Variants in IL1RAPL1 observed in about 807,000 individuals in gnomAD.
IL1RAPL1 encodes the protein interleukin-1 receptor accessory protein-like 1.
Under a neutral mutation model 48.4 loss-of-function variants are expected in IL1RAPL1, and 3 were observed. The ratio of observed to expected loss-of-function variants is 0.06; its 90% confidence interval spans 0.03 to 0.16. The LOEUF (loss-of-function observed/expected upper bound fraction) is 0.16, where lower values mean the gene tolerates loss of function less well. IL1RAPL1 is among the 10% of genes least tolerant of loss of function. The pLI, the probability that IL1RAPL1 is intolerant of heterozygous loss-of-function variation, is 1.00. For synonymous variants in IL1RAPL1, 185 were observed against 187.7 expected (o/e 0.99, Z 0.12); for missense variants, 349 against 530.6 (o/e 0.66, Z 3.36).
intron 1 of IL1RAPL1, among the ~76,000 whole-genome samples, chrX:28,728,182 C>A (rs1231962320): frequency 8.9e-6 from 1 of 111,818 alleles, no homozygotes; most frequent in Non-Finnish European, 1.9e-5. Flanking sequence ...ATTCAGATAA[C>A]ACTGTACAGT....
chrX:29,210,093 A>C (rs1930742201), intron 2 of IL1RAPL1, among the ~76,000 whole-genome samples: 1 of 112,205 alleles, frequency 8.9e-6, no homozygotes, highest in Admixed American at 9.5e-5. Flanking sequence ...ACTGTTGTTT[A>C]ATTTGTGTTT....
At chrX:29,128,497 A>G (rs1244071098) in intron 2 of IL1RAPL1, among the ~76,000 whole-genome samples, 3 of 111,664 alleles carry the variant, frequency 2.7e-5, no homozygotes, top group Non-Finnish European at 3.8e-5. Context: ...CTCTTTGACT[A>G]GTGAAAACCC....
intron 2 of IL1RAPL1, among the ~76,000 whole-genome samples, chrX:28,906,049 A>G (rs951097750): frequency 8.9e-6 from 1 of 112,306 alleles, no homozygotes; most frequent in Middle Eastern, 4.6e-3. Flanking sequence ...CACAATCATG[A>G]TGGAAGGCAA....
chrX:29,162,075 GA>G (rs1929696376), intron 2 of IL1RAPL1, among the ~76,000 whole-genome samples: 1 of 111,685 alleles, frequency 9.0e-6, no homozygotes, highest in South Asian at 3.7e-4. Flanking sequence ...GATGAAGCTG[GA>G]AGCCATCATC....
At chrX:29,305,766 C>A (rs1932607070) in intron 3 of IL1RAPL1, among the ~76,000 whole-genome samples, 1 of 111,196 alleles carries the variant, frequency 9.0e-6, no homozygotes, top group Admixed American at 9.6e-5. Flanking sequence ...GAAGGGGATA[C>A]TAAGGATTTA....
chrX:29,763,483 G>A (rs1016590612), intron 6 of IL1RAPL1, among the ~76,000 whole-genome samples: 1 of 111,046 alleles, frequency 9.0e-6, no homozygotes, highest in Non-Finnish European at 1.9e-5. Flanking sequence ...CATAGTAACA[G>A]TAACATACAT....
intron 2 of IL1RAPL1, among the ~76,000 whole-genome samples, chrX:28,978,078 G>A (rs1198708861): frequency 8.9e-6 from 1 of 112,416 alleles, no homozygotes; most frequent in African/African-American, 3.2e-5. Context: ...AAGAGAGGAT[G>A]TTTTTAAGAT....
At chrX:28,956,939 A>C (rs1461757974) in intron 2 of IL1RAPL1, among the ~76,000 whole-genome samples, 1 of 110,417 alleles carries the variant, frequency 9.1e-6, no homozygotes, top group Admixed American at 9.7e-5. Flanking sequence ...ACAATTTCAG[A>C]TCCTGTTATT....
intron 2 of IL1RAPL1, among the ~76,000 whole-genome samples, chrX:28,810,581 T>C (rs1456097965): frequency 3.6e-5 from 4 of 110,907 alleles, no homozygotes; most frequent in Admixed American, 9.6e-5. Context: ...GAAGTCTTAT[T>C]TGCAATATGG....
In IL1RAPL1 at chrX:28,980,262, T is replaced by C. The variant is rs191262876; in HGVS notation, c.82+190837T>C. Among the ~76,000 whole-genome samples, 12 of 112,550 alleles carry C rather than the reference T, an allele frequency of 1.1e-4. 1 individual carries two copies. In the East Asian group the frequency reaches 3.1e-3, roughly 29 times the overall value. On this transcript the variant is annotated intron_variant, in intron 2 of 10. Transcript: ENST00000378993. ...CAAACTGATTTCTCTGCCATCCCAG[T>C]TTTCTCATCTCTTCAAATTGATGGT...
intron 6 of IL1RAPL1, among the ~76,000 whole-genome samples, chrX:29,668,883 G>C (rs1481464688): frequency 2.7e-5 from 3 of 111,280 alleles, no homozygotes; most frequent in Non-Finnish European, 5.7e-5. Flanking sequence ...TTAGGGGAAA[G>C]GGTTCAAATT....
At chrX:29,004,153 G>GA (rs942380403) in intron 2 of IL1RAPL1, among the ~76,000 whole-genome samples, 6 of 104,901 alleles carry the variant, frequency 5.7e-5, no homozygotes, top group Admixed American at 2.0e-4. Context: ...AGACTGTCTA[G>GA]AAAAAAAAAA....
chrX:29,123,909 T>A, intron 2 of IL1RAPL1, among the ~76,000 whole-genome samples: 1 of 109,003 alleles, frequency 9.2e-6, no homozygotes, highest in South Asian at 3.8e-4. Context: ...TTTAGATAGA[T>A]TGTGTTAAAT....
intron 5 of IL1RAPL1, among the ~76,000 whole-genome samples, chrX:29,457,515 G>A (rs920700678): frequency 1.1e-4 from 12 of 111,477 alleles, no homozygotes; most frequent in East Asian, 2.8e-4. Context: ...CAAAGGACAC[G>A]ATTTTGTTCT....
intron 3 of IL1RAPL1, among the ~76,000 whole-genome samples, chrX:29,385,413 C>T (rs1251745306): frequency 1.8e-5 from 2 of 112,087 alleles, no homozygotes; most frequent in Non-Finnish European, 3.8e-5. Flanking sequence ...GAGATTGTGC[C>T]ATTGCACTCC....
At chrX:29,370,066 G>C (rs1414404474) in intron 3 of IL1RAPL1, among the ~76,000 whole-genome samples, 4 of 112,198 alleles carry the variant, frequency 3.6e-5, no homozygotes, top group African/African-American at 1.3e-4. Flanking sequence ...TAAAAGTTAT[G>C]AGTGAATAAG....
chrX:29,594,069 T>C (rs1923466830), intron 5 of IL1RAPL1, among the ~76,000 whole-genome samples: 1 of 112,704 alleles, frequency 8.9e-6, no homozygotes, highest in African/African-American at 3.2e-5. Context: ...GATTTTAGGG[T>C]CTGACGATTT....
chrX:28,598,362 A>G (rs923237547), intron 1 of IL1RAPL1, among the ~76,000 whole-genome samples: 3 of 112,300 alleles, frequency 2.7e-5, no homozygotes, highest in African/African-American at 9.7e-5. Flanking sequence ...AAGTGGAAGA[A>G]AAGAAACCAG....
intron 5 of IL1RAPL1, among the ~76,000 whole-genome samples, chrX:29,592,047 C>G (rs928596965): frequency 9.0e-6 from 1 of 111,683 alleles, no homozygotes; most frequent in African/African-American, 3.3e-5. Context: ...GAAACTCACA[C>G]AGGATGGGTT....
Sources: gnomAD v4.1 joint callset for allele counts (sites outside exome capture counted in the v4.1 genomes callset) on GRCh38, gnomAD v4.1.1 for gene constraint, MANE v1.5 for transcripts, NCBI Gene and HGNC (gene_info 2026-07-23, HGNC 2026-07-21) for gene names.